Variants in ADGRV1 observed in about 807,000 individuals in gnomAD.
ADGRV1 encodes the protein adhesion G protein-coupled receptor V1.
A neutral mutation model predicts 596.2 loss-of-function variants in ADGRV1; 359 were observed. The ratio of observed to expected loss-of-function variants is 0.60; its 90% CI spans 0.55 to 0.66. The LOEUF (loss-of-function observed/expected upper bound fraction) is 0.66. ADGRV1 is among the 30% of genes least tolerant of loss of function. The pLI is 0.00. For missense variants in ADGRV1, 7,274 were observed against 7,575.6 expected (o/e 0.96, Z 1.48); for synonymous variants, 2,681 against 2,679.2 (o/e 1.00, Z -0.02).
At position 90,690,826 on chromosome 5, in the gene ADGRV1, G is replaced by A; in HGVS notation, c.6736G>A (p.Glu2246Lys). The A allele has an allele frequency of 6.3e-7, 1 of 1,599,626 alleles. No homozygotes were observed. The highest frequency in any genetic ancestry group is 8.5e-7 in the Non-Finnish European group (1 of 1,172,026). The change falls in exon 31 of 90, where the codon GAA (glutamate) becomes AAA (lysine). Residue 2246 changes from glutamate to lysine, a missense_variant. Glu to Lys is a moderately conservative substitution (Grantham distance 56, BLOSUM62 1). Around this residue, in one of 5 missense-constraint regions of ADGRV1, gnomAD observed 3,643 missense variants for 3,809.2 expected, o/e 0.96. Coordinates refer to ENST00000405460, the MANE Select transcript of ADGRV1 (RefSeq NM_032119.4). ...TCAGATTACTAAACTTATTGTAGAG[G>A]AACCTGAGTTTAACTCAGTGAAGGT... ...GFQITKLIVE[E>K]PEFNSVKVNL... is the part of the protein sequence containing the mutation.
rs775129260 is a variant in ADGRV1 at position 90,704,452 on chromosome 5, G to A, written c.8350G>A (p.Val2784Ile). 1.3e-6 allele frequency: 2 copies of A among 1,578,066 alleles called. No individual in the cohort carries two copies. The highest frequency in any genetic ancestry group is 1.2e-5 in the South Asian group (1 of 85,262). Reference sequence around the variant, plus strand: ...TGACAACATTCCTGAGGAGAAAGAAGTATACCAAGTCATTCTGTATGATGT... The same window carrying A: ...TGACAACATTCCTGAGGAGAAAGAAATATACCAAGTCATTCTGTATGATGT... Reference protein sequence around the residue: ...LDDNIPEEKEVYQVILYDVRT... With the variant: ...LDDNIPEEKEIYQVILYDVRT... The change falls in exon 36 of 90, where the codon GTA becomes ATA. Residue 2784 changes from valine to isoleucine, a missense_variant. Transcript: ENST00000405460.
intron 21 of ADGRV1, among the ~76,000 whole-genome samples, chr5:90,662,743 C>G (rs983599903): frequency 6.6e-6 from 1 of 151,978 alleles, no homozygotes; most frequent in Non-Finnish European, 1.5e-5. Flanking sequence ...GTATATCTCC[C>G]AATGCTATCC....
intron 83 of ADGRV1, among the ~76,000 whole-genome samples, chr5:90,912,632 G>A (rs1345922385): frequency 6.6e-6 from 1 of 152,076 alleles, no homozygotes; most frequent in African/African-American, 2.4e-5. Flanking sequence ...TGTGGTATAA[G>A]TGATATTGGT....
At chr5:90,895,434 T>A (rs996631611) in intron 83 of ADGRV1, among the ~76,000 whole-genome samples, 8 of 151,968 alleles carry the variant, frequency 5.3e-5, no homozygotes, top group African/African-American at 1.7e-4. Context: ...ACAATAACAG[T>A]CTTGACAGAG....
intron 52 of ADGRV1, among the ~76,000 whole-genome samples, chr5:90,748,428 A>C (rs1332352523): frequency 6.6e-6 from 1 of 151,830 alleles, no homozygotes; most frequent in Admixed American, 6.6e-5. Context: ...ACATACAATC[A>C]ACATAAAATT....
At chr5:90,872,982 A>G (rs1042976160) in intron 83 of ADGRV1, among the ~76,000 whole-genome samples, 8 of 152,208 alleles carry the variant, frequency 5.3e-5, no homozygotes, top group Admixed American at 5.2e-4. Context: ...GGTCCTTACA[A>G]AATTGGTTTT....
At chr5:90,852,682 A>G (rs572971496) in intron 79 of ADGRV1, among the ~76,000 whole-genome samples, 16 of 152,336 alleles carry the variant, frequency 1.1e-4, no homozygotes, top group African/African-American at 3.8e-4. Flanking sequence ...GTTTAGAAGC[A>G]ATTTCACTGA....
intron 83 of ADGRV1, among the ~76,000 whole-genome samples, chr5:90,865,193 G>T (rs1767976280): frequency 6.6e-6 from 1 of 152,066 alleles, no homozygotes; most frequent in Non-Finnish European, 1.5e-5. Flanking sequence ...TACCAAAGGG[G>T]CTTGCTTTGA....
At chr5:90,620,603 T>G (rs1264565355) in intron 4 of ADGRV1, among the ~76,000 whole-genome samples, 1 of 152,148 alleles carries the variant, frequency 6.6e-6, no homozygotes, top group Admixed American at 6.5e-5. Context: ...TTAGTTTAAT[T>G]AGATCCCATT....
chr5:91,084,282 C>G (rs1413506228), intron 86 of ADGRV1, among the ~76,000 whole-genome samples: 5 of 151,992 alleles, frequency 3.3e-5, no homozygotes, highest in Non-Finnish European at 4.4e-5. Context: ...GAAATTTTGC[C>G]AATCACCCAA....
At chr5:90,841,840 A>T (rs563354859) in intron 78 of ADGRV1, among the ~76,000 whole-genome samples, 10 of 152,334 alleles carry the variant, frequency 6.6e-5, no homozygotes, top group African/African-American at 2.4e-4. Context: ...ATCCAGTGGT[A>T]TCTCTTAAAA....
intron 83 of ADGRV1, among the ~76,000 whole-genome samples, chr5:90,933,421 G>A (rs1186973094): frequency 6.6e-6 from 1 of 152,090 alleles, no homozygotes; most frequent in African/African-American, 2.4e-5. Context: ...TGTAGCTGGG[G>A]GATACATTCC....
At chr5:90,856,082 T>C (rs927673573) in intron 82 of ADGRV1, among the ~76,000 whole-genome samples, 181 bp downstream of exon 82, 1 of 152,180 alleles carries the variant, frequency 6.6e-6, no homozygotes, top group Non-Finnish European at 1.5e-5. Context: ...TGGAGGGCCA[T>C]CTCTGTACTG....
At chr5:90,757,773 A>T (rs1021902487) in intron 57 of ADGRV1, among the ~76,000 whole-genome samples, 14 of 152,206 alleles carry the variant, frequency 9.2e-5, no homozygotes, top group Admixed American at 7.9e-4. Flanking sequence ...TAAGAATAAG[A>T]TGTTTTCATA....
In ADGRV1 at chr5:90,681,587, T is replaced by C. The variant is rs114467282; in HGVS notation, c.5664+133T>C. ...GGAATGAGCCTATTGGCACAGGCAATACAAATTGGTGATCAAACAGTCGTT... is the reference window on the plus strand; with the variant it reads ...GGAATGAGCCTATTGGCACAGGCAACACAAATTGGTGATCAAACAGTCGTT... On this transcript the variant is annotated intron_variant, in intron 27 of 89. Transcript: ENST00000405460. 6.9e-5 allele frequency: 55 copies of C among 798,222 alleles called. No homozygotes were observed. In the African/African-American group the frequency reaches 9.2e-4, roughly 13 times the overall value. The allele number at this position is 798,222 out of a possible 1,614,324, so 49.4% of individuals were successfully genotyped here.
Position 90,672,827 on chromosome 5 carries a change from A to T in ADGRV1, c.4929+105A>T. On this transcript the variant is annotated intron_variant, in intron 22 of 89. Coordinates refer to ENST00000405460, the MANE Select transcript of ADGRV1 (RefSeq NM_032119.4). Reference sequence around the variant, plus strand: ...GCTTTTGATTGAAGTGTCGCTTCCCATTATTATTTACAACTGTAACTGATA... The same window carrying T: ...GCTTTTGATTGAAGTGTCGCTTCCCTTTATTATTTACAACTGTAACTGATA... 3.7e-6 allele frequency: 3 copies of T among 816,354 alleles called. No individual in the cohort carries two copies. Among genetic ancestry groups the T allele is most frequent in the Non-Finnish European group, 5.7e-6 (3 of 523,510 alleles). The allele number at this position is 816,354 out of a possible 1,614,324, so 50.6% of individuals were successfully genotyped here. A position where few individuals can be genotyped will look rare whatever the true frequency, so the allele number is the denominator to read the frequency against.
chr5:90,931,742 A>G (rs551263345), intron 83 of ADGRV1, among the ~76,000 whole-genome samples: 276 of 152,330 alleles, frequency 1.8e-3, no homozygotes, highest in South Asian at 4.8e-3. Context: ...TTGTTAGTCT[A>G]TAATTACGCA....
intron 50 of ADGRV1, among the ~76,000 whole-genome samples, chr5:90,744,220 A>C (rs1399714607): frequency 6.6e-6 from 1 of 151,250 alleles, no homozygotes; most frequent in Non-Finnish European, 1.5e-5. Context: ...GGGCTCAAGC[A>C]ATCTTCCTGC....
At chr5:91,069,031 A>G (rs1446307954) in intron 85 of ADGRV1, among the ~76,000 whole-genome samples, 3 of 152,224 alleles carry the variant, frequency 2.0e-5, no homozygotes, top group South Asian at 2.1e-4. Context: ...GACAAGAACA[A>G]ATGACAGGGA....
Sources: allele counts gnomAD v4.1 joint callset (sites outside exome capture counted in the v4.1 genomes callset), GRCh38; gene constraint gnomAD v4.1.1; regional missense constraint gnomAD v4.1.1; transcripts MANE v1.5; gene names NCBI Gene and HGNC (gene_info 2026-07-23, HGNC 2026-07-21).